Variants in ZNF618 observed in about 807,000 individuals in gnomAD.
ZNF618 encodes neural precursor cell expressed, developmentally down-regulated 10.
A neutral mutation model predicts 103.0 loss-of-function variants in ZNF618; 34 were observed. That is an observed-to-expected ratio of 0.33 (90% CI 0.25 to 0.44). The LOEUF (loss-of-function observed/expected upper bound fraction) is 0.44, where lower values mean the gene tolerates loss of function less well. ZNF618 is among the 20% of genes least tolerant of loss of function. The pLI is 1.00. For synonymous variants in ZNF618, 551 were observed against 542.2 expected, an observed-to-expected ratio of 1.02 and a Z score of -0.23; for missense variants, 1,059 against 1,295.4, an observed-to-expected ratio of 0.82 and a Z score of 2.80.
chr9:113,948,086 C>T (rs1355385742), intron 1 of ZNF618, among the ~76,000 whole-genome samples: 7 of 152,138 alleles, frequency 4.6e-5, no homozygotes, highest in Non-Finnish European at 7.4e-5. Flanking sequence ...AGAGCAGCCT[C>T]CCCCGCCCTC....
chr9:113,926,031 T>C (rs575806243), intron 1 of ZNF618, among the ~76,000 whole-genome samples: 1 of 152,332 alleles, frequency 6.6e-6, no homozygotes, highest in Non-Finnish European at 1.5e-5. Flanking sequence ...TGAAGAACTT[T>C]TAAAAATATT....
chr9:114,030,667 A>G (rs959280661), intron 11 of ZNF618: 3 of 152,292 alleles, frequency 2.0e-5, no homozygotes, highest in African/African-American at 7.2e-5. Context: ...AGGAGCCTGC[A>G]TGGGAGATAA....
chr9:113,962,709 G>C (rs1836968708), intron 1 of ZNF618, among the ~76,000 whole-genome samples: 1 of 152,098 alleles, frequency 6.6e-6, no homozygotes, highest in Admixed American at 6.5e-5. Context: ...TTCACCCAAT[G>C]ATGCCTACCC....
intron 12 of ZNF618, among the ~76,000 whole-genome samples, chr9:114,034,929 G>T (rs1277210029): frequency 6.6e-6 from 1 of 152,136 alleles, no homozygotes; most frequent in Non-Finnish European, 1.5e-5. Context: ...CAGAGTGTAG[G>T]GTGTCCCGGA....
intron 3 of ZNF618, among the ~76,000 whole-genome samples, chr9:113,997,138 T>C (rs1332879237): frequency 6.6e-6 from 1 of 151,950 alleles, no homozygotes; most frequent in Non-Finnish European, 1.5e-5. Context: ...GATAGGGTCT[T>C]ACTCTGTTGC....
intron 6 of ZNF618, among the ~76,000 whole-genome samples, 194 bp downstream of exon 6, chr9:114,002,856 G>C (rs1433431948): frequency 1.3e-5 from 2 of 152,220 alleles, no homozygotes; most frequent in African/African-American, 4.8e-5. Context: ...TTCCCAAAGC[G>C]TGCTCCATGG....
chr9:114,029,009 C>A, intron 11 of ZNF618, 37 bp downstream of exon 11: 2 of 1,532,962 alleles, frequency 1.3e-6, no homozygotes, highest in Non-Finnish European at 8.8e-7. Flanking sequence ...ACTTTCTCCC[C>A]CACTGCCCTT....
At chr9:113,924,424 C>CTTCT (rs1459320715) in intron 1 of ZNF618, among the ~76,000 whole-genome samples, 71 of 67,222 alleles carry the variant, frequency 1.1e-3, no homozygotes, top group Middle Eastern at 0.015. Flanking sequence ...TCTTCTTCTT[C>CTTCT]TTTTTTTTTT....
At chr9:113,889,317 A>ATCTCTCTCTCTCTCTCTC (rs10627696) in intron 1 of ZNF618, among the ~76,000 whole-genome samples, 66 of 139,346 alleles carry the variant, frequency 4.7e-4, no homozygotes, top group Non-Finnish European at 9.1e-4. Flanking sequence ...CCCCGCTACC[A>ATCTCTCTCTCTCTCTCTC]TCTCTCTCTC....
At chr9:113,988,849 G>T (rs184725609) in intron 3 of ZNF618, among the ~76,000 whole-genome samples, 27 of 152,294 alleles carry the variant, frequency 1.8e-4, no homozygotes, top group African/African-American at 6.5e-4. Context: ...GGAACCTTCC[G>T]GGGGCCCAGT....
chr9:113,894,509 G>T (rs570650274), intron 1 of ZNF618, among the ~76,000 whole-genome samples: 1 of 152,286 alleles, frequency 6.6e-6, no homozygotes, highest in South Asian at 2.1e-4. Flanking sequence ...AGTGTCATTT[G>T]CACTTAGCTT....
At position 114,049,634 on chromosome 9, in the gene ZNF618, G is replaced by A. The variant is rs200838003; in HGVS notation, c.2332G>A (p.Ala778Thr). 2.6e-4 allele frequency: 427 copies of A among 1,613,818 alleles called. No homozygotes were observed. Among genetic ancestry groups the A allele is most frequent in the Admixed American group, 2.7e-4 (16 of 60,034 alleles). The change falls in exon 15 of 15, where the codon GCA (alanine) becomes ACA (threonine). Residue 778 changes from alanine to threonine, a missense_variant. Physicochemically the swap from Ala to Thr is moderately conservative, Grantham distance 58. Transcript: ENST00000374126. ...EKLFTAKAND[A>T]GTVSKLCHLF... ...GCTGTTCACGGCCAAGGCCAACGAC[G>A]CAGGCACTGTCAGCAAGCTCTGCCA...
At chr9:114,044,793 T>G (rs1270382035) in intron 13 of ZNF618, among the ~76,000 whole-genome samples, 1 of 151,962 alleles carries the variant, frequency 6.6e-6, no homozygotes, top group African/African-American at 2.4e-5. Context: ...GTTTTTTTTG[T>G]TTGTTTTTTT....
intron 1 of ZNF618, among the ~76,000 whole-genome samples, chr9:113,949,499 A>G (rs1835342996): frequency 6.6e-6 from 1 of 152,060 alleles, no homozygotes; most frequent in Non-Finnish European, 1.5e-5. Flanking sequence ...GGGTCATCCA[A>G]CTTAAATGCC....
At chr9:114,030,179 A>G (rs1843881749) in intron 11 of ZNF618, among the ~76,000 whole-genome samples, 1 of 152,266 alleles carries the variant, frequency 6.6e-6, no homozygotes, top group South Asian at 2.1e-4. Context: ...TCAGGAGGCT[A>G]ATTTTGGGCA....
chr9:114,041,803 G>T (rs1481075008), intron 13 of ZNF618, among the ~76,000 whole-genome samples: 1 of 152,182 alleles, frequency 6.6e-6, no homozygotes, highest in African/African-American at 2.4e-5. Flanking sequence ...GATTGTCTTG[G>T]CAATGCGGGC....
chr9:114,000,899 A>G (rs898077771), intron 4 of ZNF618, among the ~76,000 whole-genome samples: 7 of 152,210 alleles, frequency 4.6e-5, no homozygotes, highest in African/African-American at 1.7e-4. Context: ...TCCCATCCCC[A>G]GATGCTGGGC....
intron 1 of ZNF618, among the ~76,000 whole-genome samples, chr9:113,953,099 A>G (rs1835924462): frequency 6.6e-6 from 1 of 152,252 alleles, no homozygotes; most frequent in Non-Finnish European, 1.5e-5. Context: ...TAAAAAGGCA[A>G]TCGGCTTAAA....
At chr9:113,992,916 G>C (rs1840211862) in intron 3 of ZNF618, among the ~76,000 whole-genome samples, 1 of 152,226 alleles carries the variant, frequency 6.6e-6, no homozygotes, top group African/African-American at 2.4e-5. Flanking sequence ...AATTCCCTGT[G>C]CTGAGAAGGG....
Sources: allele counts gnomAD v4.1 joint callset (sites outside exome capture counted in the v4.1 genomes callset), GRCh38; gene constraint gnomAD v4.1.1; transcripts MANE v1.5; gene names NCBI Gene and HGNC (gene_info 2026-07-23, HGNC 2026-07-21).